Variants in NRXN3 observed in about 807,000 individuals in gnomAD.
NRXN3 encodes the protein neurexin 3.
A neutral mutation model predicts 137.6 loss-of-function variants in NRXN3; 32 were observed. The ratio of observed to expected loss-of-function variants is 0.23; its 90% confidence interval spans 0.18 to 0.31. The LOEUF is 0.31. Ranked by LOEUF, NRXN3 falls within the 10% of genes least tolerant of loss-of-function variation. The probability of loss-of-function intolerance (pLI) is 1.00; values close to 1 mark genes in which losing one functional copy is unlikely to be tolerated. For missense variants in NRXN3, 1,574 were observed against 2,062.5 expected (o/e 0.76, Z 4.59); for synonymous variants, 798 against 784.5 (o/e 1.02, Z -0.29).
intron 15 of NRXN3, among the ~76,000 whole-genome samples, chr14:79,128,659 T>C (rs561252524): frequency 6.0e-4 from 91 of 152,268 alleles, no homozygotes; most frequent in Middle Eastern, 3.4e-3. Context: ...GTGTCTCTGC[T>C]GGGCTTTGGT....
intron 16 of NRXN3, among the ~76,000 whole-genome samples, chr14:79,520,696 T>C (rs935809083): frequency 6.6e-5 from 10 of 152,132 alleles, no homozygotes; most frequent in Admixed American, 1.3e-4. Flanking sequence ...ATTAGAGAAA[T>C]GCAAATCAAA....
chr14:78,470,770 T>C, intron 4 of NRXN3, among the ~76,000 whole-genome samples: 1 of 152,194 alleles, frequency 6.6e-6, no homozygotes, highest in East Asian at 1.9e-4. Flanking sequence ...AGTATCACGC[T>C]TTTTTACATT....
chr14:78,649,030 C>T (rs1304754956), intron 5 of NRXN3, among the ~76,000 whole-genome samples: 1 of 152,104 alleles, frequency 6.6e-6, no homozygotes, highest in Non-Finnish European at 1.5e-5. Flanking sequence ...CTGGCTGTGC[C>T]CCAGGTGGCA....
intron 15 of NRXN3, among the ~76,000 whole-genome samples, chr14:79,392,472 T>C (rs1195384331): frequency 1.3e-5 from 2 of 152,224 alleles, no homozygotes; most frequent in African/African-American, 2.4e-5. Flanking sequence ...TGTGTCTTTA[T>C]AGTAGGATGA....
At position 78,978,854 on chromosome 14, in the gene NRXN3, C is replaced by T. The variant is rs151184527; in HGVS notation, c.3143-9168C>T. On this transcript the variant is annotated intron_variant, in intron 14 of 20. Transcript: ENST00000335750. ...ATGGAGGCCAAGAAACTCCACAGTC[C>T]GCTGTCTGTATGCTGGAGAATAAAA... Among the ~76,000 whole-genome samples, 391 of 151,012 alleles carry T rather than the reference C, an allele frequency of 2.6e-3. 2 individuals carry two copies. The highest frequency in any genetic ancestry group is 9.0e-3 in the African/African-American group (373 of 41,230).
chr14:78,327,380 T>C (rs2080235391), intron 4 of NRXN3, among the ~76,000 whole-genome samples: 1 of 152,168 alleles, frequency 6.6e-6, no homozygotes. Context: ...CTGGCTCATC[T>C]CCTGAGGTTG....
At chr14:79,777,944 A>G (rs113606848) in intron 19 of NRXN3, among the ~76,000 whole-genome samples, 1 of 151,998 alleles carries the variant, frequency 6.6e-6, no homozygotes, top group African/African-American at 2.4e-5. Flanking sequence ...AAAAAAAAAA[A>G]TGAGACCTTC....
chr14:79,158,955 G>C (rs575021121), intron 15 of NRXN3, among the ~76,000 whole-genome samples: 1 of 151,780 alleles, frequency 6.6e-6, no homozygotes, highest in South Asian at 2.1e-4. Context: ...AAAATTGCTC[G>C]TGTTTGATGA....
chr14:79,149,437 T>G (rs1399822876), intron 15 of NRXN3, among the ~76,000 whole-genome samples: 1 of 152,092 alleles, frequency 6.6e-6, no homozygotes, highest in South Asian at 2.1e-4. Context: ...GAAAATTGAT[T>G]GAAAGCATAG....
intron 15 of NRXN3, among the ~76,000 whole-genome samples, chr14:79,456,316 GT>G (rs977863686): frequency 1.3e-5 from 2 of 152,134 alleles, no homozygotes; most frequent in Non-Finnish European, 2.9e-5. Flanking sequence ...GCCCCTATGT[GT>G]TCCAGGCACT....
rs768425481 is a variant in NRXN3 at position 79,763,335 on chromosome 14, G to A, written c.4015-41777G>A. Among the ~76,000 whole-genome samples, 11 of 97,312 alleles carry A rather than the reference G, an allele frequency of 1.1e-4. 1 individual carries two copies. The highest frequency in any genetic ancestry group is 1.6e-4 in the Non-Finnish European group (7 of 42,490). 63.8% of individuals were successfully genotyped at this position (97,312 alleles called of 152,430 possible). On this transcript the variant is annotated intron_variant, in intron 19 of 20. Coordinates refer to ENST00000335750, the MANE Select transcript of NRXN3 (RefSeq NM_001330195.2). The stretch of plus-strand genomic sequence containing the variant: ...GAATAGTGCTGCAATAGACATACAT[G>A]TGCATGTGTCTTTATAGCAGAATGA...
chr14:78,698,749 A>G (rs2098251557), intron 6 of NRXN3, among the ~76,000 whole-genome samples: 1 of 152,034 alleles, frequency 6.6e-6, no homozygotes, highest in Non-Finnish European at 1.5e-5. Context: ...GGGGTGCAGA[A>G]CTTTCCATAT....
chr14:79,414,680 A>C (rs2095471108), intron 15 of NRXN3, among the ~76,000 whole-genome samples: 1 of 152,012 alleles, frequency 6.6e-6, no homozygotes, highest in Non-Finnish European at 1.5e-5. Flanking sequence ...CATATCCATC[A>C]CCTCACATAG....
intron 4 of NRXN3, among the ~76,000 whole-genome samples, chr14:78,380,708 C>A (rs1406976270): frequency 6.6e-6 from 1 of 151,910 alleles, no homozygotes; most frequent in East Asian, 1.9e-4. Context: ...TTTTCTTAAG[C>A]CATCAAGATT....
At chr14:79,038,339 C>A (rs2099619627) in intron 15 of NRXN3, among the ~76,000 whole-genome samples, 2 of 152,030 alleles carry the variant, frequency 1.3e-5, no homozygotes, top group Admixed American at 6.6e-5. Flanking sequence ...AGTAGCCTTA[C>A]CCTTAATAGT....
intron 8 of NRXN3, among the ~76,000 whole-genome samples, chr14:78,722,473 G>A (rs1429472010): frequency 6.6e-6 from 1 of 152,186 alleles, no homozygotes; most frequent in Admixed American, 6.5e-5. Context: ...GGGGATTGTT[G>A]CAGGCTTTTC....
At chr14:78,282,294 G>A in intron 3 of NRXN3, 1 of 401,670 alleles carries the variant, frequency 2.5e-6, no homozygotes, top group African/African-American at 2.1e-5. Context: ...GCCATTTGGA[G>A]GTGAGGAAGA....
chr14:78,719,210 G>T (rs1365217427), intron 8 of NRXN3, among the ~76,000 whole-genome samples: 5 of 152,144 alleles, frequency 3.3e-5, no homozygotes, highest in African/African-American at 7.2e-5. Flanking sequence ...AGTAAATAAA[G>T]CTCAGCACAA....
intron 16 of NRXN3, among the ~76,000 whole-genome samples, chr14:79,636,542 G>A (rs1456658136): frequency 6.6e-6 from 1 of 152,036 alleles, no homozygotes; most frequent in African/African-American, 2.4e-5. Flanking sequence ...GCTCTTCCAG[G>A]CACCTAACCC....
Sources: gnomAD v4.1 joint callset for allele counts (sites outside exome capture counted in the v4.1 genomes callset) on GRCh38, gnomAD v4.1.1 for gene constraint, MANE v1.5 for transcripts, NCBI Gene and HGNC (gene_info 2026-07-23, HGNC 2026-07-21) for gene names.